Variants in MCC observed in about 807,000 individuals in gnomAD.
MCC encodes the protein colorectal mutant cancer protein.
Under a neutral mutation model 116.2 loss-of-function variants are expected in MCC, and 90 were observed. That is an observed-to-expected ratio of 0.77 (90% confidence interval 0.65 to 0.92). The LOEUF (loss-of-function observed/expected upper bound fraction) is 0.92, where lower values mean the gene tolerates loss of function less well. Ranked by LOEUF, MCC falls within the 40% of genes least tolerant of loss-of-function variation. The probability of loss-of-function intolerance (pLI) is 0.00; values close to 1 mark genes in which losing one functional copy is unlikely to be tolerated. For missense variants in MCC, 1,516 were observed against 1,312.2 expected, an observed-to-expected ratio of 1.16 and a Z score of -2.40; for synonymous variants, 578 against 510.5, an observed-to-expected ratio of 1.13 and a Z score of -1.78.
chr5:113,134,182 T>G (rs1378727159), intron 5 of MCC, among the ~76,000 whole-genome samples: 1 of 152,244 alleles, frequency 6.6e-6, no homozygotes, highest in Non-Finnish European at 1.5e-5. Flanking sequence ...TCCTTAATGT[T>G]TTCTCTGAGT....
chr5:113,109,795 T>A (rs993154627), intron 6 of MCC, among the ~76,000 whole-genome samples: 1 of 151,890 alleles, frequency 6.6e-6, no homozygotes, highest in African/African-American at 2.4e-5. Context: ...TTAAAAAAAA[T>A]TTTCCCCTGT....
At chr5:113,030,117 T>G (rs956781955) in intron 17 of MCC, among the ~76,000 whole-genome samples, 2 of 152,210 alleles carry the variant, frequency 1.3e-5, no homozygotes, top group African/African-American at 2.4e-5. Flanking sequence ...GTATGTAGAA[T>G]GTAAATTTGC....
intron 1 of MCC, among the ~76,000 whole-genome samples, chr5:113,467,486 A>C (rs1227432409): frequency 6.6e-6 from 1 of 152,122 alleles, no homozygotes; most frequent in East Asian, 1.9e-4. Flanking sequence ...GAAAGATCAG[A>C]TAGTTGTAGA....
intron 16 of MCC, 65 bp downstream of exon 16, chr5:113,049,028 G>A (rs759910623): frequency 7.3e-6 from 11 of 1,497,582 alleles, no homozygotes; most frequent in Non-Finnish European, 1.0e-5. Flanking sequence ...TGTGGCCAGT[G>A]GTCACTGGGC....
chr5:113,475,546 T>C (rs1043697037), intron 1 of MCC, among the ~76,000 whole-genome samples: 2 of 152,216 alleles, frequency 1.3e-5, no homozygotes, highest in Non-Finnish European at 2.9e-5. Flanking sequence ...CATTTTGAAA[T>C]GACAATGAGA....
At chr5:113,180,415 C>T (rs542008231) in intron 3 of MCC, among the ~76,000 whole-genome samples, 1 of 152,312 alleles carries the variant, frequency 6.6e-6, no homozygotes, top group Non-Finnish European at 1.5e-5. Flanking sequence ...GAAAAACCCA[C>T]TTGTTACCCC....
In MCC at chr5:113,031,169, G is replaced by A. The variant is rs535265503; in HGVS notation, c.2757-2113C>T. ...AATCCAGGCCTGCTTTTGGGAGAGA[G>A]GATGGAAGGGGCAGGATCTTTAAGG... On this transcript the variant is annotated intron_variant, in intron 17 of 18. Coordinates refer to ENST00000408903, the MANE Select transcript of MCC (RefSeq NM_001085377.2). 4.6e-5 allele frequency among the ~76,000 whole-genome samples: 7 copies of A among 152,318 alleles called. 1 individual carries two copies. The highest frequency in any genetic ancestry group is 1.7e-4 in the African/African-American group (7 of 41,562).
chr5:113,149,413 T>C (rs936405824), intron 4 of MCC, among the ~76,000 whole-genome samples: 1 of 152,244 alleles, frequency 6.6e-6, no homozygotes, highest in African/African-American at 2.4e-5. Context: ...AAAATTTTTT[T>C]ATTTCAGTAT....
intron 10 of MCC, among the ~76,000 whole-genome samples, chr5:113,083,526 G>C (rs924964619): frequency 6.6e-6 from 1 of 152,118 alleles, no homozygotes; most frequent in Admixed American, 6.5e-5. Context: ...CAAATAGCTG[G>C]CTCTCTAAGC....
intron 3 of MCC, among the ~76,000 whole-genome samples, chr5:113,301,267 ACCAG>A: frequency 6.6e-6 from 1 of 152,332 alleles, no homozygotes; most frequent in African/African-American, 2.4e-5. Context: ...GGAGTTCAAG[ACCAG>A]CCTGACCAAC....
intron 3 of MCC, among the ~76,000 whole-genome samples, chr5:113,282,461 G>A (rs6899178): frequency 0.022 from 3,349 of 152,224 alleles, 84 homozygotes; most frequent in African/African-American, 0.061. Flanking sequence ...TTTGGAAGTC[G>A]CTCTGTCAAT....
At chr5:113,394,263 C>G (rs1310961858) in intron 1 of MCC, among the ~76,000 whole-genome samples, 1 of 152,126 alleles carries the variant, frequency 6.6e-6, no homozygotes, top group Non-Finnish European at 1.5e-5. Flanking sequence ...CTAAATAGCT[C>G]TCACATCCAT....
At chr5:113,328,986 T>C (rs1767631572) in intron 3 of MCC, among the ~76,000 whole-genome samples, 1 of 152,116 alleles carries the variant, frequency 6.6e-6, no homozygotes, top group African/African-American at 2.4e-5. Context: ...AATGAGTAGC[T>C]ACAAACTCAA....
intron 1 of MCC, among the ~76,000 whole-genome samples, chr5:113,440,439 A>G (rs986242015): frequency 6.6e-6 from 1 of 152,150 alleles, no homozygotes; most frequent in African/African-American, 2.4e-5. Flanking sequence ...ACACCACTCT[A>G]TAGTGTATTT....
chr5:113,335,031 T>A (rs941378044), intron 3 of MCC, among the ~76,000 whole-genome samples: 1 of 151,740 alleles, frequency 6.6e-6, no homozygotes, highest in Non-Finnish European at 1.5e-5. Context: ...GCTGAAGAAT[T>A]TTTTGTTCTT....
At chr5:113,068,558 G>A (rs1293460502) in intron 12 of MCC, among the ~76,000 whole-genome samples, 1 of 152,234 alleles carries the variant, frequency 6.6e-6, no homozygotes, top group Non-Finnish European at 1.5e-5. Context: ...CATCTGCACT[G>A]TACCAGGGTT....
At chr5:113,176,975 G>T (rs188454844) in intron 3 of MCC, among the ~76,000 whole-genome samples, 1 of 152,196 alleles carries the variant, frequency 6.6e-6, no homozygotes, top group Admixed American at 6.5e-5. Context: ...GACACTCTGA[G>T]GTGCATGTCT....
At position 113,474,272 on chromosome 5, in the gene MCC, T is replaced by C. The variant is rs577023708; in HGVS notation, c.170+13973A>G. On this transcript the variant is annotated intron_variant, in intron 1 of 18. Transcript: ENST00000408903. The stretch of plus-strand genomic sequence containing the variant: ...GAATATCCAGTGTGAGCAGTGCTGG[T>C]GTAGGAGTATGTGCAAGGTACTAGG... 8.2e-4 allele frequency among the ~76,000 whole-genome samples: 124 copies of C among 152,020 alleles called. 1 individual carries two copies. Among genetic ancestry groups the C allele is most frequent in the Middle Eastern group, 3.4e-3 (1 of 294 alleles).
intron 17 of MCC, among the ~76,000 whole-genome samples, chr5:113,033,771 T>A (rs559137393): frequency 6.6e-6 from 1 of 152,234 alleles, no homozygotes. Flanking sequence ...TTGTAATGAC[T>A]GTGACAACTG....
Sources: allele counts gnomAD v4.1 joint callset (sites outside exome capture counted in the v4.1 genomes callset), GRCh38; gene constraint gnomAD v4.1.1; transcripts MANE v1.5; gene names NCBI Gene and HGNC (gene_info 2026-07-23, HGNC 2026-07-21).